The following SGCZ variants were observed in gnomAD, a reference collection of about 807,000 sequenced individuals.
SGCZ encodes sarcoglycan zeta.
Under a neutral mutation model 41.3 loss-of-function variants are expected in SGCZ, and 40 were observed. That is an observed-to-expected ratio of 0.97 (90% confidence interval 0.75 to 1.26). The LOEUF is 1.26. SGCZ is among the 50% of genes most tolerant of loss of function. The probability of loss-of-function intolerance (pLI) is 0.00; values close to 1 mark genes in which losing one functional copy is unlikely to be tolerated. For missense variants in SGCZ, 552 were observed against 369.8 expected (o/e 1.49, Z -4.04); for synonymous variants, 206 against 137.5 (o/e 1.50, Z -3.49).
intron 1 of SGCZ, among the ~76,000 whole-genome samples, chr8:15,138,066 T>C (rs1808180597): frequency 6.6e-6 from 1 of 152,188 alleles, no homozygotes; most frequent in African/African-American, 2.4e-5. Flanking sequence ...AGTTCACCTC[T>C]TGCATCAGCA....
At chr8:14,279,494 C>T (rs778043443) in intron 3 of SGCZ, among the ~76,000 whole-genome samples, 1 of 151,548 alleles carries the variant, frequency 6.6e-6, no homozygotes, top group Non-Finnish European at 1.5e-5. Context: ...CATTCAGTGG[C>T]GGGAATTTGG....
chr8:14,651,394 A>T (rs1367759886), intron 1 of SGCZ, among the ~76,000 whole-genome samples: 1 of 152,112 alleles, frequency 6.6e-6, no homozygotes, highest in South Asian at 2.1e-4. Context: ...GTCTGAAATG[A>T]TAGAAGATAC....
intron 3 of SGCZ, among the ~76,000 whole-genome samples, chr8:14,270,402 G>A (rs191476475): frequency 8.5e-5 from 13 of 152,092 alleles, no homozygotes; most frequent in Admixed American, 3.3e-4. Flanking sequence ...TTTTTTCAGC[G>A]TATTTTGAGA....
intron 1 of SGCZ, among the ~76,000 whole-genome samples, chr8:14,721,845 G>A (rs1241699821): frequency 6.6e-6 from 1 of 150,698 alleles, no homozygotes; most frequent in East Asian, 1.9e-4. Flanking sequence ...TTAACTATCT[G>A]ATCTTAACTC....
At chr8:14,335,392 T>A (rs1802473635) in intron 2 of SGCZ, among the ~76,000 whole-genome samples, 2 of 152,080 alleles carry the variant, frequency 1.3e-5, no homozygotes, top group Admixed American at 1.3e-4. Context: ...AAGGATGAAT[T>A]TTTTTTCCTA....
At chr8:15,209,214 T>C (rs992686211) in intron 1 of SGCZ, among the ~76,000 whole-genome samples, 3 of 152,136 alleles carry the variant, frequency 2.0e-5, no homozygotes, top group African/African-American at 4.8e-5. Flanking sequence ...CATTGTCTTA[T>C]GTACTTAGCT....
intron 2 of SGCZ, among the ~76,000 whole-genome samples, chr8:14,512,972 T>C (rs1408785270): frequency 6.6e-6 from 1 of 152,110 alleles, no homozygotes; most frequent in Non-Finnish European, 1.5e-5. Flanking sequence ...TTAGTAAAGA[T>C]CCACACTAAT....
intron 1 of SGCZ, among the ~76,000 whole-genome samples, chr8:14,681,813 A>C (rs981544472): frequency 6.6e-6 from 1 of 152,158 alleles, no homozygotes; most frequent in Admixed American, 6.6e-5. Flanking sequence ...CTTGCATGGC[A>C]GGAAGCCCAT....
At chr8:14,631,990 C>T (rs1378538584) in intron 1 of SGCZ, among the ~76,000 whole-genome samples, 1 of 151,922 alleles carries the variant, frequency 6.6e-6, no homozygotes, top group Non-Finnish European at 1.5e-5. Context: ...AAACATTTTA[C>T]TTTTCTTGTT....
At chr8:14,259,428 G>A (rs373373314) in intron 3 of SGCZ, among the ~76,000 whole-genome samples, 29 of 151,038 alleles carry the variant, frequency 1.9e-4, no homozygotes, top group Admixed American at 1.2e-3. Flanking sequence ...TTCTTCTAGG[G>A]TTTTTATGGT....
chr8:14,235,871 G>C (rs1264974320), intron 4 of SGCZ, among the ~76,000 whole-genome samples: 1 of 152,124 alleles, frequency 6.6e-6, no homozygotes, highest in Non-Finnish European at 1.5e-5. Flanking sequence ...TTTTAGTAGA[G>C]ATGGGGTTTC....
At chr8:14,413,479 C>A (rs1799415603) in intron 2 of SGCZ, among the ~76,000 whole-genome samples, 1 of 151,922 alleles carries the variant, frequency 6.6e-6, no homozygotes. Flanking sequence ...AGTGGATTGT[C>A]CTAATGGATC....
intron 1 of SGCZ, among the ~76,000 whole-genome samples, chr8:15,031,363 C>A (rs1486785820): frequency 1.3e-5 from 2 of 152,152 alleles, no homozygotes; most frequent in Non-Finnish European, 1.5e-5. Context: ...GTCTGCCACT[C>A]ATCAGGCAGT....
intron 1 of SGCZ, among the ~76,000 whole-genome samples, chr8:14,929,610 T>C (rs1019338556): frequency 6.6e-5 from 10 of 151,986 alleles, no homozygotes; most frequent in Non-Finnish European, 1.0e-4. Flanking sequence ...AAAGAAGGAA[T>C]ATACACTCAG....
At chr8:14,274,596 C>A (rs1800168350) in intron 3 of SGCZ, among the ~76,000 whole-genome samples, 1 of 152,042 alleles carries the variant, frequency 6.6e-6, no homozygotes. Flanking sequence ...TTGTATATAA[C>A]AATCTCCTTC....
intron 2 of SGCZ, among the ~76,000 whole-genome samples, chr8:14,447,419 C>G (rs1290891151): frequency 6.6e-6 from 1 of 151,980 alleles, no homozygotes; most frequent in Non-Finnish European, 1.5e-5. Context: ...AATGGAATCC[C>G]AGGCATAGTG....
chr8:14,957,787 G>T (rs1420882815), intron 1 of SGCZ, among the ~76,000 whole-genome samples: 1 of 151,954 alleles, frequency 6.6e-6, no homozygotes, highest in Admixed American at 6.6e-5. Context: ...TCTCATGGTG[G>T]ATGCTGTAGT....
chr8:14,624,667 G>T (rs1321805120), intron 1 of SGCZ, among the ~76,000 whole-genome samples: 2 of 146,594 alleles, frequency 1.4e-5, no homozygotes, highest in African/African-American at 5.1e-5. Context: ...GCCTCCCGGG[G>T]TCAAGTAATT....
intron 1 of SGCZ, among the ~76,000 whole-genome samples, chr8:15,149,904 C>G (rs1799131593): frequency 6.6e-6 from 1 of 152,122 alleles, no homozygotes. Flanking sequence ...TGTGCATCAA[C>G]AGAGACCTGG....
Sources: gnomAD v4.1 joint callset for allele counts (sites outside exome capture counted in the v4.1 genomes callset) on GRCh38, gnomAD v4.1.1 for gene constraint, MANE v1.5 for transcripts, NCBI Gene and HGNC (gene_info 2026-07-23, HGNC 2026-07-21) for gene names.